The following SLC25A21 variants were observed in gnomAD, a reference collection of about 807,000 sequenced individuals.
The protein encoded by SLC25A21 is mitochondrial 2-oxodicarboxylate carrier.
In SLC25A21, 47 loss-of-function variants were observed where a neutral mutation model predicts 43.8. The observed-to-expected ratio is 1.07, with a 90% CI of 0.85 to 1.37. SLC25A21 has a LOEUF of 1.37. SLC25A21 is among the 40% of genes most tolerant of loss of function. SLC25A21 has a pLI of 0.00. For missense variants in SLC25A21, 352 were observed against 350.2 expected, an observed-to-expected ratio of 1.00 and a Z score of -0.04; for synonymous variants, 131 against 121.3, an observed-to-expected ratio of 1.08 and a Z score of -0.52.
chr14:36,724,225 C>T (rs1225803650), intron 6 of SLC25A21, among the ~76,000 whole-genome samples: 1 of 152,090 alleles, frequency 6.6e-6, no homozygotes, highest in Non-Finnish European at 1.5e-5. Context: ...AAAAAAAATT[C>T]CCCCTGAATT....
At chr14:36,850,642 A>C (rs1013230002) in intron 2 of SLC25A21, among the ~76,000 whole-genome samples, 1 of 152,092 alleles carries the variant, frequency 6.6e-6, no homozygotes, top group Non-Finnish European at 1.5e-5. Flanking sequence ...ATAGTCCATT[A>C]CATGTTATAA....
chr14:37,100,348 ATG>A (rs1962793909), intron 1 of SLC25A21, among the ~76,000 whole-genome samples: 1 of 151,522 alleles, frequency 6.6e-6, no homozygotes, highest in Middle Eastern at 3.3e-3. Flanking sequence ...GTGAGCCACC[ATG>A]CCTGGCTGCC....
chr14:36,863,802 G>A lies in SLC25A21; in HGVS notation c.119+11154C>T, dbSNP rs111393459. Among the ~76,000 whole-genome samples the A allele has an allele frequency of 3.4e-3, 518 of 152,320 alleles. 6 individuals are homozygous for A. Among genetic ancestry groups the A allele is most frequent in the African/African-American group, 0.012 (481 of 41,580 alleles). ...ACAGCAGCAGCAGAAGTGGGCGTGC[G>A]TGGAGCACTACCTATGGATAAGGCA... On this transcript the variant is annotated intron_variant, in intron 2 of 9. Transcript: ENST00000331299.
intron 1 of SLC25A21, among the ~76,000 whole-genome samples, chr14:36,910,484 G>A (rs1356019782): frequency 6.6e-6 from 1 of 152,134 alleles, no homozygotes; most frequent in Non-Finnish European, 1.5e-5. Context: ...GATTATTTGG[G>A]AAGGTTTTGT....
intron 1 of SLC25A21, among the ~76,000 whole-genome samples, chr14:36,876,014 G>A (rs1303213084): frequency 6.6e-6 from 1 of 152,138 alleles, no homozygotes; most frequent in Non-Finnish European, 1.5e-5. Flanking sequence ...GAATGGACAA[G>A]GTAAGTATCA....
intron 1 of SLC25A21, among the ~76,000 whole-genome samples, chr14:36,999,664 C>T (rs1346098814): frequency 6.6e-6 from 1 of 152,032 alleles, no homozygotes; most frequent in South Asian, 2.1e-4. Context: ...TTGCTGTGAA[C>T]CTAAAACTGC....
chr14:37,091,614 T>C (rs1594788168), intron 1 of SLC25A21, among the ~76,000 whole-genome samples: 1 of 152,330 alleles, frequency 6.6e-6, no homozygotes, highest in South Asian at 2.1e-4. Flanking sequence ...GCTGGGAACA[T>C]GTGCATTAGA....
chr14:37,063,250 A>G (rs1422685379), intron 1 of SLC25A21, among the ~76,000 whole-genome samples: 1 of 152,166 alleles, frequency 6.6e-6, no homozygotes, highest in African/African-American at 2.4e-5. Flanking sequence ...CTGTAATCCC[A>G]GCACTTTGGG....
In SLC25A21 at chr14:36,683,843, T is replaced by C. The variant is rs755878996; in HGVS notation, c.823A>G (p.Met275Val). Residue 275 changes from methionine (M) to valine (V), a missense_variant, in exon 9 of 10, where the codon ATG becomes GTG. By Grantham distance (21) the Met-to-Val change is conservative. Coordinates refer to ENST00000331299, the MANE Select transcript of SLC25A21 (RefSeq NM_030631.4). Reference protein sequence around the residue: ...ALYKGLLPKIMRLGPGGAVML... With the variant: ...ALYKGLLPKIVRLGPGGAVML... ...TTATCATTACCTGGTCCAAGTCTCATAATCTTGGGAAGCAGGCCTTTGTAC... is the reference window on the plus strand; with the variant it reads ...TTATCATTACCTGGTCCAAGTCTCACAATCTTGGGAAGCAGGCCTTTGTAC... 1 of 1,605,440 alleles carries C rather than the reference T, an allele frequency of 6.2e-7. No individual in the cohort carries two copies. Among genetic ancestry groups the C allele is most frequent in the Non-Finnish European group, 8.5e-7 (1 of 1,174,670 alleles).
intron 3 of SLC25A21, among the ~76,000 whole-genome samples, chr14:36,799,427 A>T (rs894203630): frequency 2.0e-5 from 3 of 152,150 alleles, no homozygotes; most frequent in African/African-American, 7.2e-5. Flanking sequence ...CTCATATGTC[A>T]AACATGCATG....
Position 36,890,124 on chromosome 14 carries a change from G to C in SLC25A21, c.71-15120C>G, listed in dbSNP as rs781356929. ...TCAACCTAGAGTGAGGATAAGGAAG[G>C]GGATTTGGAGAGAGCAGGGGGAGGT... On this transcript the variant is annotated intron_variant, in intron 1 of 9. Transcript: ENST00000331299. Among the ~76,000 whole-genome samples the C allele has an allele frequency of 1.1e-4, 17 of 152,262 alleles. No individual in the cohort carries two copies. The Middle Eastern group carries it at 0.01, about 91-fold the overall frequency.
At chr14:37,020,266 T>C (rs767190394) in intron 1 of SLC25A21, among the ~76,000 whole-genome samples, 1 of 151,896 alleles carries the variant, frequency 6.6e-6, no homozygotes, top group African/African-American at 2.4e-5. Flanking sequence ...AAGCTGTACA[T>C]AGTAAGGTTG....
chr14:37,159,781 GACA>G (rs1159022780), intron 1 of SLC25A21, among the ~76,000 whole-genome samples: 3 of 152,080 alleles, frequency 2.0e-5, no homozygotes, highest in African/African-American at 7.2e-5. Context: ...ACAGTGAAGA[GACA>G]ACGTGTTGAA....
chr14:36,847,606 G>T (rs572272397), intron 2 of SLC25A21, among the ~76,000 whole-genome samples: 83 of 152,306 alleles, frequency 5.4e-4, no homozygotes, highest in African/African-American at 1.9e-3. Context: ...GGAGGTGTTT[G>T]CCAGGCAGAG....
intron 1 of SLC25A21, among the ~76,000 whole-genome samples, chr14:37,092,783 T>A (rs1962613522): frequency 6.6e-6 from 1 of 152,114 alleles, no homozygotes; most frequent in Non-Finnish European, 1.5e-5. Flanking sequence ...TTTTTTTTAA[T>A]TTTTCAATTA....
chr14:37,114,131 T>A (rs559946604), intron 1 of SLC25A21, among the ~76,000 whole-genome samples: 10 of 152,294 alleles, frequency 6.6e-5, no homozygotes, highest in Non-Finnish European at 1.2e-4. Context: ...CGCACCATAA[T>A]AAAACATAGA....
intron 1 of SLC25A21, among the ~76,000 whole-genome samples, chr14:37,042,631 C>T (rs917857087): frequency 1.3e-5 from 2 of 152,086 alleles, no homozygotes; most frequent in African/African-American, 4.8e-5. Flanking sequence ...GAAAAGCATT[C>T]TTGACATTAC....
intron 1 of SLC25A21, among the ~76,000 whole-genome samples, chr14:36,971,880 G>A (rs1959758723): frequency 6.6e-6 from 1 of 151,990 alleles, no homozygotes; most frequent in South Asian, 2.1e-4. Flanking sequence ...CCTGAGTCTT[G>A]GACTATTATA....
intron 1 of SLC25A21, among the ~76,000 whole-genome samples, chr14:37,063,010 A>G (rs1447901921): frequency 6.6e-6 from 1 of 152,192 alleles, no homozygotes; most frequent in Non-Finnish European, 1.5e-5. Context: ...AAATCATGGT[A>G]GAAAGTACTT....
Sources: allele counts gnomAD v4.1 joint callset (sites outside exome capture counted in the v4.1 genomes callset), GRCh38; gene constraint gnomAD v4.1.1; transcripts MANE v1.5; gene names NCBI Gene and HGNC (gene_info 2026-07-23, HGNC 2026-07-21).